The following ADGRL3 variants were observed in gnomAD, a reference collection of about 807,000 sequenced individuals.
ADGRL3 encodes the protein adhesion G protein-coupled receptor L3, also known as calcium-independent alpha-latrotoxin receptor 3.
In ADGRL3, 62 loss-of-function variants were observed where a neutral mutation model predicts 153.5. That is an observed-to-expected ratio of 0.40 (90% CI 0.33 to 0.50). ADGRL3 has a LOEUF of 0.50. ADGRL3 is among the 20% of genes least tolerant of loss of function. ADGRL3 has a pLI of 0.47. For synonymous variants in ADGRL3, 710 were observed against 672.5 expected (o/e 1.06, Z -0.86); for missense variants, 1,641 against 1,859.4 (o/e 0.88, Z 2.16).
At chr4:61,580,389 G>C (rs115210881) in intron 4 of ADGRL3, among the ~76,000 whole-genome samples, 219 of 152,012 alleles carry the variant, frequency 1.4e-3, no homozygotes, top group African/African-American at 5.0e-3. Context: ...TTAAGCAAAC[G>C]GATGGTAATA....
chr4:61,564,350 T>C (rs1457636916), intron 4 of ADGRL3, among the ~76,000 whole-genome samples: 1 of 152,040 alleles, frequency 6.6e-6, no homozygotes, highest in Non-Finnish European at 1.5e-5. Context: ...TTACAGTTCA[T>C]TGCAGCCTCG....
At chr4:61,628,601 C>T (rs897979621) in intron 5 of ADGRL3, among the ~76,000 whole-genome samples, 2 of 152,106 alleles carry the variant, frequency 1.3e-5, no homozygotes, top group East Asian at 3.9e-4. Flanking sequence ...GACATATTAA[C>T]CTCCCTACTT....
chr4:61,652,024 A>T (rs1449264725), intron 5 of ADGRL3, among the ~76,000 whole-genome samples: 1 of 152,194 alleles, frequency 6.6e-6, no homozygotes, highest in Non-Finnish European at 1.5e-5. Flanking sequence ...TTAAGTATTC[A>T]TTGTTAACAA....
At chr4:61,680,395 T>C (rs2095309316) in intron 6 of ADGRL3, among the ~76,000 whole-genome samples, 2 of 145,340 alleles carry the variant, frequency 1.4e-5, no homozygotes, top group Admixed American at 1.4e-4. Context: ...TTTTTAAATT[T>C]ATACATACTC....
intron 4 of ADGRL3, among the ~76,000 whole-genome samples, chr4:61,534,931 TTC>T (rs1331488183): frequency 1.3e-5 from 2 of 152,118 alleles, no homozygotes. Flanking sequence ...TGTTATTTTT[TTC>T]TCTTGTCTGA....
At chr4:62,043,599 A>T (rs1009141407) in intron 24 of ADGRL3, among the ~76,000 whole-genome samples, 1 of 152,140 alleles carries the variant, frequency 6.6e-6, no homozygotes, top group Non-Finnish European at 1.5e-5. Flanking sequence ...GCATGGTTTC[A>T]TAAGTAGTAG....
chr4:61,771,053 C>A (rs914383290), intron 8 of ADGRL3, among the ~76,000 whole-genome samples: 16 of 152,272 alleles, frequency 1.1e-4, no homozygotes, highest in Middle Eastern at 3.4e-3. Context: ...GTCCTGAAAG[C>A]AGGTTTCCAG....
At chr4:61,482,272 C>A (rs1339032854) in intron 2 of ADGRL3, among the ~76,000 whole-genome samples, 2 of 152,146 alleles carry the variant, frequency 1.3e-5, no homozygotes, top group African/African-American at 4.8e-5. Context: ...TGTAAAAAAT[C>A]ATCTGCTTTA....
chr4:61,387,836 A>C (rs1238709351), intron 2 of ADGRL3, among the ~76,000 whole-genome samples: 2 of 152,190 alleles, frequency 1.3e-5, no homozygotes, highest in Non-Finnish European at 1.5e-5. Context: ...AGATTAAAGT[A>C]AAGACAGGCA....
At chr4:61,435,979 A>G (rs1190048889) in intron 2 of ADGRL3, among the ~76,000 whole-genome samples, 1 of 152,168 alleles carries the variant, frequency 6.6e-6, no homozygotes, top group African/African-American at 2.4e-5. Flanking sequence ...TAATAATTTT[A>G]AATAGTAGAT....
intron 1 of ADGRL3, among the ~76,000 whole-genome samples, chr4:61,210,758 G>C (rs1472234389): frequency 6.6e-6 from 1 of 152,132 alleles, no homozygotes. Flanking sequence ...CCTTGACTCA[G>C]AATACTGATC....
intron 2 of ADGRL3, among the ~76,000 whole-genome samples, chr4:61,412,666 A>C (rs1478408632): frequency 6.6e-6 from 1 of 152,110 alleles, no homozygotes; most frequent in Admixed American, 6.5e-5. Flanking sequence ...CTGTATCCTA[A>C]AGTTAGCTAA....
intron 11 of ADGRL3, among the ~76,000 whole-genome samples, chr4:61,905,235 A>G (rs940818294): frequency 5.3e-5 from 8 of 152,102 alleles, no homozygotes; most frequent in African/African-American, 1.9e-4. Context: ...AGACTTCTTG[A>G]TGGAATATTG....
intron 1 of ADGRL3, among the ~76,000 whole-genome samples, chr4:61,334,850 G>A (rs2095645462): frequency 6.6e-6 from 1 of 152,092 alleles, no homozygotes; most frequent in Non-Finnish European, 1.5e-5. Flanking sequence ...GATTTAGGAA[G>A]AGATCTGTCA....
chr4:61,991,558 A>C (rs1373741202), intron 19 of ADGRL3, among the ~76,000 whole-genome samples: 4 of 152,092 alleles, frequency 2.6e-5, no homozygotes, highest in Non-Finnish European at 5.9e-5. Context: ...AGTAGTGTTT[A>C]ATTCTAAGAT....
At chr4:61,247,063 G>A (rs1757388251) in intron 1 of ADGRL3, among the ~76,000 whole-genome samples, 1 of 152,008 alleles carries the variant, frequency 6.6e-6, no homozygotes, top group South Asian at 2.1e-4. Flanking sequence ...TAAAGGAAGA[G>A]AAATAATTTT....
chr4:61,804,397 A>G lies in ADGRL3; in HGVS notation c.1400-9412A>G, dbSNP rs1711570334. On this transcript the variant is annotated intron_variant, in intron 8 of 26. Transcript: ENST00000683033. The stretch of plus-strand genomic sequence containing the variant: ...AAACAGAAGAGGAGATTCTGAACTA[A>G]TTATAAGGAAAATAAGAGTCCCCTT... 2.0e-5 allele frequency among the ~76,000 whole-genome samples: 3 copies of G among 152,184 alleles called. No homozygotes were observed. The South Asian group carries it at 6.2e-4, about 32-fold the overall frequency.
chr4:61,988,980 A>G (rs2099095046), intron 19 of ADGRL3, among the ~76,000 whole-genome samples: 2 of 152,154 alleles, frequency 1.3e-5, no homozygotes, highest in Non-Finnish European at 2.9e-5. Context: ...TATCTATTAA[A>G]CTTTACATTT....
chr4:61,817,320 T>C (rs1580976332), intron 9 of ADGRL3, among the ~76,000 whole-genome samples: 1 of 152,096 alleles, frequency 6.6e-6, no homozygotes, highest in East Asian at 1.9e-4. Context: ...CTGGATGGAG[T>C]CTGTGGCCTG....
Sources: allele counts gnomAD v4.1 joint callset (sites outside exome capture counted in the v4.1 genomes callset), GRCh38; gene constraint gnomAD v4.1.1; transcripts MANE v1.5; gene names NCBI Gene and HGNC (gene_info 2026-07-23, HGNC 2026-07-21).